The following STK17A variants were observed in gnomAD, a reference collection of about 807,000 sequenced individuals.
STK17A encodes serine/threonine-protein kinase 17A.
In STK17A, 26 loss-of-function variants were observed where a neutral mutation model predicts 43.7. That is an observed-to-expected ratio of 0.60 (90% CI 0.44 to 0.83). The LOEUF is 0.83. Ranked by LOEUF, STK17A falls within the 40% of genes least tolerant of loss-of-function variation. The pLI, the probability that STK17A is intolerant of heterozygous loss-of-function variation, is 0.00. For synonymous variants in STK17A, 191 were observed against 182.5 expected (o/e 1.05, Z -0.38); for missense variants, 476 against 511.6 (o/e 0.93, Z 0.67).
At chr7:43,602,526 T>C (rs530377969) in intron 2 of STK17A, among the ~76,000 whole-genome samples, 2 of 152,334 alleles carry the variant, frequency 1.3e-5, no homozygotes, top group Admixed American at 6.5e-5. Flanking sequence ...CATTTTAGTA[T>C]TCATGCCAGT....
At chr7:43,612,233 C>T (rs2082944270) in intron 3 of STK17A, among the ~76,000 whole-genome samples, 3 of 152,218 alleles carry the variant, frequency 2.0e-5, no homozygotes, top group African/African-American at 7.2e-5. Flanking sequence ...GGTTCTCAGC[C>T]TTCCTTCTGC....
intron 3 of STK17A, 39 bp downstream of exon 3, chr7:43,608,439 G>A (rs1583561756): frequency 6.4e-7 from 1 of 1,570,410 alleles, no homozygotes; most frequent in South Asian, 1.2e-5. Flanking sequence ...GCTAAAGAAT[G>A]ACATTCAAGA....
chr7:43,602,599 T>G (rs969799740), intron 2 of STK17A, among the ~76,000 whole-genome samples: 2 of 152,240 alleles, frequency 1.3e-5, no homozygotes, highest in African/African-American at 4.8e-5. Flanking sequence ...CTTCCTTGGC[T>G]TTCACAGCCC....
chr7:43,611,338 A>G (rs1052825668), intron 3 of STK17A, among the ~76,000 whole-genome samples: 5 of 152,194 alleles, frequency 3.3e-5, no homozygotes, highest in African/African-American at 1.2e-4. Context: ...AATTCATTTT[A>G]TACACATTTA....
intron 3 of STK17A, 99 bp from the exon 4 acceptor site, chr7:43,619,498 C>T: frequency 7.1e-7 from 1 of 1,406,260 alleles, no homozygotes; most frequent in Non-Finnish European, 9.7e-7. Flanking sequence ...TTAAATTCCT[C>T]AGTCTCAGTT....
chr7:43,624,679 C>T lies in STK17A; in HGVS notation c.1082C>T (p.Thr361Ile). Reference sequence around the variant, plus strand: ...AATTCGGATACCGACAAATCAGAAACCAAGGAATCCATTGTAACCGAAGAG... The same window carrying T: ...AATTCGGATACCGACAAATCAGAAATCAAGGAATCCATTGTAACCGAAGAG... ...EINSDTDKSE[T>I]KESIVTEELI... Residue 361 changes from threonine (T) to isoleucine (I), a missense_variant, in exon 7 of 7, where the codon ACC (threonine) becomes ATC (isoleucine). Transcript: ENST00000319357. 6.2e-7 allele frequency: 1 copy of T among 1,614,034 alleles called. No homozygotes were observed. The highest frequency in any genetic ancestry group is 8.5e-7 in the Non-Finnish European group (1 of 1,179,986).
Position 43,583,341 on chromosome 7 carries a change from C to T in STK17A, c.98C>T (p.Pro33Leu). The T allele has an allele frequency of 1.4e-6, 2 of 1,427,118 alleles. No individual in the cohort carries two copies. Among genetic ancestry groups the T allele is most frequent in the Non-Finnish European group, 1.8e-6 (2 of 1,088,846 alleles). 88.4% of individuals were successfully genotyped at this position (1,427,118 alleles called of 1,614,324 possible). ...AGRGLSGPCR[P>L]PPPPQARGLL... ...CGGGGTCTGAGCGGGCCGTGCCGGC[C>T]GCCGCCGCCGCCCCAGGCCCGCGGG... Residue 33 changes from proline (P) to leucine (L), a missense_variant, in exon 1 of 7, where the codon CCG becomes CTG. Pro to Leu is a moderately conservative substitution (Grantham distance 98). Around this residue, in one of 3 missense-constraint regions of STK17A, gnomAD observed 320 missense variants for 326.3 expected, o/e 0.98. Coordinates refer to ENST00000319357, the MANE Select transcript of STK17A (RefSeq NM_004760.3).
rs1192645963 is a variant in STK17A at position 43,625,882 on chromosome 7, T to G, written c.*1040T>G. ...CCAAAATATTTATAAACATTTACTT[T>G]GTCCATAAAAAATTTACATTGGATA... On this transcript the variant is annotated 3_prime_UTR_variant, in exon 7 of 7. Transcript: ENST00000319357. The G allele has an allele frequency of 2.0e-5, 3 of 152,190 alleles. No individual in the cohort carries two copies. Among genetic ancestry groups the G allele is most frequent in the Non-Finnish European group, 4.4e-5 (3 of 68,042 alleles). The allele number at this position is 152,190 out of a possible 1,614,324, so 9.4% of individuals were successfully genotyped here.
chr7:43,594,944 T>C (rs1478276674), intron 1 of STK17A, among the ~76,000 whole-genome samples: 1 of 150,772 alleles, frequency 6.6e-6, no homozygotes, highest in Admixed American at 6.6e-5. Context: ...ATAAACCACC[T>C]AAGGTTACTG....
At chr7:43,587,422 C>T (rs2083884737) in intron 1 of STK17A, among the ~76,000 whole-genome samples, 2 of 151,378 alleles carry the variant, frequency 1.3e-5, no homozygotes, top group Admixed American at 1.3e-4. Context: ...TAAGTTCCCA[C>T]TGGGGCCTTA....
chr7:43,615,033 G>GT (rs1168396104), intron 3 of STK17A, among the ~76,000 whole-genome samples: 1 of 152,140 alleles, frequency 6.6e-6, no homozygotes, highest in Non-Finnish European at 1.5e-5. Flanking sequence ...ATTTTCCCTA[G>GT]CAGTATTTCA....
chr7:43,623,119 C>G (rs926561253), intron 4 of STK17A: 3 of 153,676 alleles, frequency 2.0e-5, no homozygotes, highest in African/African-American at 7.3e-5. Context: ...AAAAAGCTCA[C>G]TCTGACTGCA....
At chr7:43,618,024 T>G (rs1272245891) in intron 3 of STK17A, among the ~76,000 whole-genome samples, 1 of 152,180 alleles carries the variant, frequency 6.6e-6, no homozygotes, top group African/African-American at 2.4e-5. Context: ...CACTGGATTT[T>G]GTGATTTGTA....
intron 2 of STK17A, among the ~76,000 whole-genome samples, chr7:43,597,342 A>T (rs1008003432): frequency 1.3e-5 from 2 of 152,094 alleles, no homozygotes; most frequent in Non-Finnish European, 2.9e-5. Context: ...TGTAAAAGAC[A>T]TTTATTTGGT....
At chr7:43,620,692 A>T (rs2083799342) in intron 4 of STK17A, among the ~76,000 whole-genome samples, 1 of 150,482 alleles carries the variant, frequency 6.6e-6, no homozygotes, top group Admixed American at 6.6e-5. Context: ...AAAAAAGAAT[A>T]TTAATATTTA....
intron 2 of STK17A, among the ~76,000 whole-genome samples, chr7:43,600,448 T>C (rs1466457164): frequency 6.6e-6 from 1 of 152,200 alleles, no homozygotes; most frequent in Non-Finnish European, 1.5e-5. Flanking sequence ...TGTGATTGTG[T>C]CTTTCAGTAT....
At chr7:43,615,314 T>TAC (rs1226059976) in intron 3 of STK17A, among the ~76,000 whole-genome samples, 1 of 152,152 alleles carries the variant, frequency 6.6e-6, no homozygotes, top group Non-Finnish European at 1.5e-5. Context: ...TAGCTGGGAC[T>TAC]ACAGGTGTAC....
At chr7:43,608,505 G>A in intron 3 of STK17A, 105 bp downstream of exon 3, 1 of 1,360,068 alleles carries the variant, frequency 7.4e-7, no homozygotes, top group Non-Finnish European at 1.0e-6. Flanking sequence ...TGTATTATTA[G>A]GTAACAAGGA....
Position 43,606,903 on chromosome 7 carries a change from G to A in STK17A, c.420-1353G>A, listed in dbSNP as rs561992931. Reference sequence around the variant, plus strand: ...GTCATCTTAATGGTCACTCAATCTAGCTTTTCGATTTTCTTTTTTTTTTTT... The same window carrying A: ...GTCATCTTAATGGTCACTCAATCTAACTTTTCGATTTTCTTTTTTTTTTTT... On this transcript the variant is annotated intron_variant, in intron 2 of 6. Coordinates refer to ENST00000319357, the MANE Select transcript of STK17A (RefSeq NM_004760.3). 2.2e-5 allele frequency among the ~76,000 whole-genome samples: 3 copies of A among 137,310 alleles called. No homozygotes were observed. In the East Asian group the frequency reaches 6.4e-4, roughly 29 times the overall value. 90.1% of individuals were successfully genotyped at this position (137,310 alleles called of 152,430 possible). A position where few individuals can be genotyped will look rare whatever the true frequency, so the allele number is the denominator to read the frequency against.
Sources: allele counts gnomAD v4.1 joint callset (sites outside exome capture counted in the v4.1 genomes callset), GRCh38; gene constraint gnomAD v4.1.1; regional missense constraint gnomAD v4.1.1; transcripts MANE v1.5; gene names NCBI Gene and HGNC (gene_info 2026-07-23, HGNC 2026-07-21).